The following SLC25A36 variants were observed in gnomAD, a reference collection of about 807,000 sequenced individuals.
SLC25A36 encodes epididymis secretory sperm binding protein.
In SLC25A36, 24 loss-of-function variants were observed where a neutral mutation model predicts 35.3. The observed-to-expected ratio is 0.68, with a 90% confidence interval of 0.49 to 0.96. The LOEUF (loss-of-function observed/expected upper bound fraction) is 0.96. Ranked by LOEUF, SLC25A36 falls within the 40% of genes least tolerant of loss-of-function variation. SLC25A36 has a pLI of 0.00. For synonymous variants in SLC25A36, 141 were observed against 132.2 expected, an observed-to-expected ratio of 1.07 and a Z score of -0.46; for missense variants, 294 against 381.1, an observed-to-expected ratio of 0.77 and a Z score of 1.90.
At chr3:140,963,528 A>C (rs534786777) in intron 4 of SLC25A36, 1 of 192,274 alleles carries the variant, frequency 5.2e-6, no homozygotes, top group South Asian at 1.2e-4. Context: ...ATTACACTAT[A>C]AATAAGTTAT....
intron 1 of SLC25A36, chr3:140,942,737 G>GT (rs1934050334): frequency 6.6e-6 from 1 of 152,316 alleles, no homozygotes. Flanking sequence ...AAGGTGGGTG[G>GT]TAAGGGGGCT....
Position 140,941,948 on chromosome 3 carries a change from G to A in SLC25A36, c.-107G>A. The A allele has an allele frequency of 4.8e-6, 3 of 630,030 alleles. No homozygotes were observed. The highest frequency in any genetic ancestry group is 8.0e-6 in the Non-Finnish European group (3 of 373,636). The allele number at this position is 630,030 out of a possible 1,614,324, so 39.0% of individuals were successfully genotyped here. ...CGCATCTCGGCCAGCTCTCCTCGCCGTCCCCGGGGCGCTGTGCGTCTCCAG... is the reference window on the plus strand; with the variant it reads ...CGCATCTCGGCCAGCTCTCCTCGCCATCCCCGGGGCGCTGTGCGTCTCCAG... On this transcript the variant is annotated 5_prime_UTR_variant, in exon 1 of 7. Coordinates refer to ENST00000324194, the MANE Select transcript of SLC25A36 (RefSeq NM_001104647.3).
intron 3 of SLC25A36, among the ~76,000 whole-genome samples, chr3:140,960,634 AT>A (rs972266161): frequency 5.9e-5 from 9 of 152,216 alleles, no homozygotes; most frequent in African/African-American, 2.2e-4. Flanking sequence ...AAAGGAAGCT[AT>A]TCAAGGAAGA....
intron 1 of SLC25A36, among the ~76,000 whole-genome samples, chr3:140,947,480 CAG>C (rs1934199226): frequency 6.6e-6 from 1 of 152,086 alleles, no homozygotes; most frequent in African/African-American, 2.4e-5. Context: ...CCTATTTGCA[CAG>C]AGATTTTAGT....
chr3:140,954,690 T>C (rs190366724), intron 1 of SLC25A36, among the ~76,000 whole-genome samples: 19 of 152,336 alleles, frequency 1.2e-4, no homozygotes, highest in African/African-American at 3.8e-4. Flanking sequence ...TTAAATCTCT[T>C]ACTGAATTAC....
chr3:140,968,558 G>A (rs1934820993), intron 4 of SLC25A36: 1 of 933,414 alleles, frequency 1.1e-6, no homozygotes, highest in East Asian at 1.2e-4. Flanking sequence ...TGACATTATA[G>A]TAATATGTAC....
At chr3:140,963,023 T>C (rs957395711) in intron 3 of SLC25A36, 104 bp from the exon 4 acceptor site, 5 of 657,254 alleles carry the variant, frequency 7.6e-6, no homozygotes, top group Admixed American at 3.6e-5. Context: ...GCTAGGACTT[T>C]ATGGTTTTTA....
At chr3:140,966,876 GT>G in intron 4 of SLC25A36, 1 of 454,744 alleles carries the variant, frequency 2.2e-6, no homozygotes, top group South Asian at 1.6e-5. Flanking sequence ...TTGTACACAT[GT>G]TTCTGATGAG....
In SLC25A36 at chr3:140,976,232, T is replaced by C. The variant is rs920016709; in HGVS notation, c.743-28T>C. The C allele has an allele frequency of 2.1e-6, 3 of 1,402,372 alleles. No homozygotes were observed. The African/African-American group carries it at 4.3e-5, about 20-fold the overall frequency. The allele number at this position is 1,402,372 out of a possible 1,614,324, so 86.9% of individuals were successfully genotyped here. A position where few individuals can be genotyped will look rare whatever the true frequency, so the allele number is the denominator to read the frequency against. The stretch of plus-strand genomic sequence containing the variant: ...TAGAAGAGTGTAAAGATATCAGTAA[T>C]GTTTAATTTTATTTCTTTCCTACAC... On this transcript the variant is annotated intron_variant, in intron 6 of 6. Coordinates refer to ENST00000324194, the MANE Select transcript of SLC25A36 (RefSeq NM_001104647.3).
chr3:140,966,653 A>G (rs1014743991), intron 4 of SLC25A36: 3 of 323,984 alleles, frequency 9.3e-6, no homozygotes, highest in Admixed American at 4.0e-5. Flanking sequence ...TTCCCTTTTG[A>G]CAAGGTTAGC....
chr3:140,964,987 C>T (rs1934723968), intron 4 of SLC25A36: 1 of 151,726 alleles, frequency 6.6e-6, no homozygotes, highest in South Asian at 2.1e-4. Context: ...ATGCCATTTC[C>T]CAACTTGAAT....
In SLC25A36 at chr3:140,976,785, AC is replaced by A. The variant is rs1935060018; in HGVS notation, c.*333del. On this transcript the variant is annotated 3_prime_UTR_variant, in exon 7 of 7. Transcript: ENST00000324194. ...TCTAAACAAAGCCATCCTTAATTTTACATACTGTATTGTAACTATCCAAAGA... is the reference window on the plus strand; with the variant it reads ...TCTAAACAAAGCCATCCTTAATTTTAATACTGTATTGTAACTATCCAAAGA... The A allele has an allele frequency of 5.3e-6, 1 of 186,956 alleles. No homozygotes were observed. The highest frequency in any genetic ancestry group is 5.6e-5 in the Admixed American group (1 of 17,744). 11.6% of individuals were successfully genotyped at this position (186,956 alleles called of 1,614,324 possible).
chr3:140,951,692 A>T (rs1052374213), intron 1 of SLC25A36, among the ~76,000 whole-genome samples: 1 of 151,666 alleles, frequency 6.6e-6, no homozygotes, highest in African/African-American at 2.4e-5. Flanking sequence ...GTGGTGTTTC[A>T]CCATGTTGGC....
rs568894039 is a variant in SLC25A36, at chr3:140,980,676, T to A, written c.*4223T>A. Among the ~76,000 whole-genome samples, 15 of 143,672 alleles carry A rather than the reference T, an allele frequency of 1.0e-4. No homozygotes were observed. The highest frequency in any genetic ancestry group is 1.8e-4 in the Non-Finnish European group (12 of 66,898). 94.3% of individuals were successfully genotyped at this position (143,672 alleles called of 152,430 possible). On this transcript the variant is annotated 3_prime_UTR_variant, in exon 7 of 7. Coordinates refer to ENST00000324194, the MANE Select transcript of SLC25A36 (RefSeq NM_001104647.3). Reference sequence around the variant, plus strand: ...TGATAAAACTCAGGCAAGCAAAATGTAATTAAATGTTCCCCCTGCCCCCCC... The same window carrying A: ...TGATAAAACTCAGGCAAGCAAAATGAAATTAAATGTTCCCCCTGCCCCCCC...
intron 1 of SLC25A36, among the ~76,000 whole-genome samples, chr3:140,946,166 A>G (rs929122104): frequency 3.3e-5 from 5 of 152,208 alleles, no homozygotes; most frequent in African/African-American, 9.6e-5. Flanking sequence ...ACTAGAAGGC[A>G]TTAAGTGCTG....
intron 1 of SLC25A36, among the ~76,000 whole-genome samples, chr3:140,950,986 T>C (rs1263637887): frequency 2.0e-5 from 3 of 151,966 alleles, no homozygotes; most frequent in Non-Finnish European, 4.4e-5. Flanking sequence ...TCATACAGAC[T>C]GTGACAGCAG....
rs1245408995 is a variant in SLC25A36 at position 140,977,615 on chromosome 3, G to C, written c.*1162G>C. ...ATCATAGAAAGATTCAAGTTCATTT[G>C]GGTTAAATGTGCTAATAGGATGTAG... On this transcript the variant is annotated 3_prime_UTR_variant, in exon 7 of 7. Transcript: ENST00000324194. The C allele has an allele frequency of 2.6e-5, 4 of 152,104 alleles. No individual in the cohort carries two copies. The highest frequency in any genetic ancestry group is 9.7e-5 in the African/African-American group (4 of 41,422). 9.4% of individuals were successfully genotyped at this position (152,104 alleles called of 1,614,324 possible).
chr3:140,942,096 G>A lies in SLC25A36; in HGVS notation c.41+1G>A. ...CGCTGGTGCATCTGTTTGCCGGAGG[G>A]TAAGGTCCTGGCGGGGCGTGCGCAC... On this transcript the variant is annotated splice_donor_variant, in intron 1 of 6. Coordinates refer to ENST00000324194, the MANE Select transcript of SLC25A36 (RefSeq NM_001104647.3). LOFTEE classifies it high-confidence loss of function. 6.8e-7 allele frequency: 1 copy of A among 1,465,680 alleles called. No individual in the cohort carries two copies. Among genetic ancestry groups the A allele is most frequent in the South Asian group, 1.3e-5 (1 of 79,320 alleles). 90.8% of individuals were successfully genotyped at this position (1,465,680 alleles called of 1,614,324 possible).
rs892639721 is a variant in SLC25A36, at chr3:140,977,790, G to C, written c.*1337G>C. 17 of 152,020 alleles carry C rather than the reference G, an allele frequency of 1.1e-4. No homozygotes were observed. Among genetic ancestry groups the C allele is most frequent in the African/African-American group, 3.6e-4 (15 of 41,390 alleles). 9.4% of individuals were successfully genotyped at this position (152,020 alleles called of 1,614,324 possible). On this transcript the variant is annotated 3_prime_UTR_variant, in exon 7 of 7. Coordinates refer to ENST00000324194, the MANE Select transcript of SLC25A36 (RefSeq NM_001104647.3). ...TAAAAACTGCCGCAATTGGACGCCG[G>C]TGTGGTACTCATTTCAGTATACCTG...
Sources: allele counts gnomAD v4.1 joint callset (sites outside exome capture counted in the v4.1 genomes callset), GRCh38; gene constraint gnomAD v4.1.1; transcripts MANE v1.5; gene names NCBI Gene and HGNC (gene_info 2026-07-23, HGNC 2026-07-21).